SYBU: variants seen among roughly 807,000 people sequenced by gnomAD.
SYBU encodes the protein syntabulin.
In SYBU, 21 loss-of-function variants were observed where a neutral mutation model predicts 35.9. That is an observed-to-expected ratio of 0.58 (90% confidence interval 0.41 to 0.84). The LOEUF is 0.84. Among genes scored for constraint, SYBU ranks in the 40% least tolerant of loss-of-function variants. The probability of loss-of-function intolerance (pLI) is 0.00; values close to 1 mark genes in which losing one functional copy is unlikely to be tolerated. For missense variants in SYBU, 768 were observed against 848.2 expected (o/e 0.91, Z 1.17); for synonymous variants, 319 against 324.3 (o/e 0.98, Z 0.18).
intron 5 of SYBU, among the ~76,000 whole-genome samples, chr8:109,579,085 G>A (rs752666155): frequency 1.1e-4 from 17 of 152,238 alleles, no homozygotes; most frequent in African/African-American, 1.7e-4. Flanking sequence ...GAAGAAGGCC[G>A]AAGGAGGAGG....
chr8:109,644,868 G>A, upstream of SYBU: 1 of 560,530 alleles, frequency 1.8e-6, no homozygotes, highest in South Asian at 2.3e-5. Context: ...GACACGTGGT[G>A]CCGCACTCGC....
intron 3 of SYBU, among the ~76,000 whole-genome samples, chr8:109,603,913 G>A (rs1025092669): frequency 6.6e-6 from 1 of 152,140 alleles, no homozygotes; most frequent in Non-Finnish European, 1.5e-5. Flanking sequence ...TAAAGTGGAA[G>A]GTGAAATCAC....
Position 109,579,819 on chromosome 8 carries a change from G to A in SYBU, c.714C>T (p.Ser238=), listed in dbSNP as rs374622269. The A allele has an allele frequency of 1.6e-5, 26 of 1,613,788 alleles. No individual in the cohort carries two copies. Among genetic ancestry groups the A allele is most frequent in the African/African-American group, 1.2e-4 (9 of 74,862 alleles). The change falls in exon 5 of 7, where the codon AGC becomes AGT. Residue 238 remains serine (S), a synonymous_variant. Coordinates refer to ENST00000276646, the MANE Select transcript of SYBU (RefSeq NM_001099754.2). ...CTCACCTCATGATGGGGCTACAGTC[G>A]CTTCCTTTGTAGGAGCCTGAGTTGC... ...SSSNSGSYKG[S]DCSPIMRRSG... is the part of the protein sequence containing the mutation.
At chr8:109,614,528 A>G (rs1811521091) in intron 3 of SYBU, among the ~76,000 whole-genome samples, 2 of 152,240 alleles carry the variant, frequency 1.3e-5, no homozygotes, top group Admixed American at 6.5e-5. Context: ...TTAAATTACA[A>G]GCTCCCTAAA....
At chr8:109,679,406 G>GT (rs1401195159) in intron 1 of SYBU, among the ~76,000 whole-genome samples, 1 of 152,156 alleles carries the variant, frequency 6.6e-6, no homozygotes, top group African/African-American at 2.4e-5. Flanking sequence ...TTGCTTTCAT[G>GT]TTACTCTATG....
At chr8:109,636,526 A>G (rs531055023) in intron 2 of SYBU, among the ~76,000 whole-genome samples, 1 of 152,310 alleles carries the variant, frequency 6.6e-6, no homozygotes, top group East Asian at 1.9e-4. Flanking sequence ...GCATTTAAAG[A>G]TGCTTACTGA....
At chr8:109,679,164 C>T (rs1817312103) in intron 1 of SYBU, among the ~76,000 whole-genome samples, 1 of 152,166 alleles carries the variant, frequency 6.6e-6, no homozygotes, top group Admixed American at 6.5e-5. Context: ...AGCGCCATGA[C>T]AGTTTATAAA....
intron 2 of SYBU, among the ~76,000 whole-genome samples, chr8:109,625,052 C>A (rs1812834051): frequency 6.6e-6 from 1 of 152,106 alleles, no homozygotes; most frequent in Non-Finnish European, 1.5e-5. Context: ...GATATTTCAT[C>A]ATTCTCTGTC....
chr8:109,667,961 T>C (rs568220784), intron 1 of SYBU, among the ~76,000 whole-genome samples: 2 of 152,302 alleles, frequency 1.3e-5, no homozygotes, highest in Admixed American at 6.5e-5. Context: ...GTTTTACTGC[T>C]TCCTGGGCAA....
intron 2 of SYBU, among the ~76,000 whole-genome samples, chr8:109,635,986 C>T (rs1023956854): frequency 3.9e-5 from 6 of 152,168 alleles, no homozygotes; most frequent in African/African-American, 1.4e-4. Flanking sequence ...GAATATGTTT[C>T]GTGATGGCAC....
At chr8:109,603,809 TA>T (rs1204296443) in intron 3 of SYBU, among the ~76,000 whole-genome samples, 1 of 152,196 alleles carries the variant, frequency 6.6e-6, no homozygotes, top group Non-Finnish European at 1.5e-5. Context: ...AAGGAAATGT[TA>T]AAACACACAT....
At chr8:109,688,784 AG>A (rs1817579038) in intron 1 of SYBU, among the ~76,000 whole-genome samples, 12 of 149,412 alleles carry the variant, frequency 8.0e-5, no homozygotes, top group Admixed American at 5.3e-4. Context: ...AAAAAAAAAG[AG>A]AGAGAAGAAA....
chr8:109,619,970 A>G (rs1175730384), intron 2 of SYBU, among the ~76,000 whole-genome samples: 2 of 152,222 alleles, frequency 1.3e-5, no homozygotes, highest in Non-Finnish European at 2.9e-5. Context: ...CAAATAACAG[A>G]TTATTACCAG....
chr8:109,614,864 C>T (rs754697437), intron 3 of SYBU, among the ~76,000 whole-genome samples: 2 of 152,316 alleles, frequency 1.3e-5, no homozygotes, highest in South Asian at 2.1e-4. Context: ...GAAGGCTCAC[C>T]GCCTCCAAGA....
At chr8:109,597,768 T>C (rs1298000137) in intron 3 of SYBU, among the ~76,000 whole-genome samples, 1 of 152,226 alleles carries the variant, frequency 6.6e-6, no homozygotes. Context: ...TTTTTAGATG[T>C]TACAGGCAAA....
Position 109,575,114 on chromosome 8 carries a change from C to T in SYBU, c.1784G>A (p.Arg595His), listed in dbSNP as rs199646555. ...ERLDGVIPLA[R>H]GGVVRQYWSS... Reference sequence around the variant, plus strand: ...CCAGTACTGCCTCACGACGCCCCCGCGAGCCAGTGGGATGACACCATCCAA... The same window carrying T: ...CCAGTACTGCCTCACGACGCCCCCGTGAGCCAGTGGGATGACACCATCCAA... The change falls in exon 7 of 7, where the codon CGC (arginine) becomes CAC (histidine). Residue 595 changes from arginine (R) to histidine (H), a missense_variant. Physicochemically the swap from Arg to His is conservative, Grantham distance 29 (BLOSUM62 0). Transcript: ENST00000276646. 19 of 1,610,764 alleles carry T rather than the reference C, an allele frequency of 1.2e-5. No homozygotes were observed. The African/African-American group carries it at 2.1e-4, about 18-fold the overall frequency.
chr8:109,623,253 A>T (rs890238205), intron 2 of SYBU, among the ~76,000 whole-genome samples: 1 of 152,322 alleles, frequency 6.6e-6, no homozygotes, highest in South Asian at 2.1e-4. Flanking sequence ...GGTGGAACTC[A>T]GGTAAACATT....
intron 6 of SYBU, among the ~76,000 whole-genome samples, chr8:109,577,212 C>T (rs1822430871): frequency 6.6e-6 from 1 of 152,078 alleles, no homozygotes; most frequent in Middle Eastern, 3.2e-3. Context: ...ATGCACATGC[C>T]ACCCTCACCC....
At position 109,577,981 on chromosome 8, in the gene SYBU, A is replaced by G. The variant is rs764607731; in HGVS notation, c.771T>C (p.His257=). ...SGRYMSCGEN[H]GVRPPNPEQY... ...GCTCTGGGTTTGGGGGTCTGACACC[A>G]TGATTTTCACCGCAAGACATGTACC... The change falls in exon 6 of 7, where the codon CAT becomes CAC. Residue 257 remains histidine, a synonymous_variant. Transcript: ENST00000276646. 3.1e-6 allele frequency: 5 copies of G among 1,613,900 alleles called. No individual in the cohort carries two copies. The South Asian group carries it at 5.5e-5, about 18-fold the overall frequency.
Sources: allele counts gnomAD v4.1 joint callset (sites outside exome capture counted in the v4.1 genomes callset), GRCh38; gene constraint gnomAD v4.1.1; transcripts MANE v1.5; gene names NCBI Gene and HGNC (gene_info 2026-07-23, HGNC 2026-07-21).